KASH5: variants seen among roughly 807,000 people sequenced by gnomAD.
KASH5 encodes the protein protein KASH5.
A neutral mutation model predicts 84.2 loss-of-function variants in KASH5; 72 were observed. That is an observed-to-expected ratio of 0.85 (90% CI 0.71 to 1.04). The LOEUF is 1.04. Ranked by LOEUF, KASH5 falls within the 50% of genes least tolerant of loss-of-function variation. The pLI, the probability that KASH5 is intolerant of heterozygous loss-of-function variation, is 0.00. For synonymous variants in KASH5, 260 were observed against 279.1 expected (o/e 0.93, Z 0.68); for missense variants, 650 against 701.0 (o/e 0.93, Z 0.82).
At chr19:49,407,360 G>A in intron 11 of KASH5, 64 bp downstream of exon 11, 2 of 1,550,172 alleles carry the variant, frequency 1.3e-6, no homozygotes, top group Non-Finnish European at 1.8e-6. Context: ...CCTGCCCCTG[G>A]TCTAGAAAGG....
chr19:49,412,647 A>C lies in KASH5; in HGVS notation c.1270-321A>C, dbSNP rs1306801113. On this transcript the variant is annotated intron_variant, in intron 15 of 19. Transcript: ENST00000447857. The surrounding 1 kb of genome is among the most constrained non-coding windows in gnomAD (Gnocchi z 4.6). ...GCTGATCTCCTCTGGGACCCAGATA[A>C]GTGTACGAGATCTGTGGAACATCCA... Among the ~76,000 whole-genome samples, 1 of 152,134 alleles carries C rather than the reference A, an allele frequency of 6.6e-6. No homozygotes were observed. Among genetic ancestry groups the C allele is most frequent in the Non-Finnish European group, 1.5e-5 (1 of 68,020 alleles).
chr19:49,417,015 G>A lies in KASH5; in HGVS notation c.1375G>A (p.Ala459Thr), dbSNP rs904187122. The change falls in exon 18 of 20, where the codon GCT becomes ACT. Residue 459 changes from alanine to threonine, a missense_variant and splice_region_variant. Ala to Thr is a moderately conservative substitution (Grantham distance 58). Coordinates refer to ENST00000447857, the MANE Select transcript of KASH5 (RefSeq NM_144688.5). The surrounding 1 kb of genome is among the most constrained non-coding windows in gnomAD (Gnocchi z 5.2). Reference sequence around the variant, plus strand: ...CAACGCATCTCTTCTGTCCTTGCAGGCTGATCTCCCTGTCCCTCTAGGAGC... The same window carrying A: ...CAACGCATCTCTTCTGTCCTTGCAGACTGATCTCCCTGTCCCTCTAGGAGC... ...EEEDAESQVTADLPVPLGAPR... is the reference protein window; with the variant it reads ...EEEDAESQVTTDLPVPLGAPR... 1 of 1,585,258 alleles carries A rather than the reference G, an allele frequency of 6.3e-7. No individual in the cohort carries two copies. Among genetic ancestry groups the A allele is most frequent in the Non-Finnish European group, 8.6e-7 (1 of 1,166,430 alleles).
intron 1 of KASH5, among the ~76,000 whole-genome samples, chr19:49,389,350 C>G (rs936688737): frequency 2.0e-5 from 3 of 151,724 alleles, no homozygotes; most frequent in Non-Finnish European, 4.4e-5. Flanking sequence ...AGAGACCCCC[C>G]CAAAATCCTG....
Position 49,417,126 on chromosome 19 carries a change from A to G in KASH5, c.1440-33A>G. 1 of 1,610,444 alleles carries G rather than the reference A, an allele frequency of 6.2e-7. No individual in the cohort carries two copies. Among genetic ancestry groups the G allele is most frequent in the Admixed American group, 1.7e-5 (1 of 59,584 alleles). ...AGGAGGGACACTGGGGCAAGGAAAA[A>G]CCCAGTGGTGATTCCCTCCTTCACC... On this transcript the variant is annotated intron_variant, in intron 18 of 19. Coordinates refer to ENST00000447857, the MANE Select transcript of KASH5 (RefSeq NM_144688.5). This position sits in a 1 kb window ranked among gnomAD's most constrained non-coding sequence, Gnocchi z 5.2.
rs766540572 is a variant in KASH5, at chr19:49,395,806, G to T, written c.373G>T (p.Ala125Ser). 26 of 1,565,658 alleles carry T rather than the reference G, an allele frequency of 1.7e-5. No homozygotes were observed. In the African/African-American group the frequency reaches 3.4e-4, roughly 20 times the overall value. Residue 125 changes from alanine (A) to serine (S), a missense_variant, in exon 5 of 20, where the codon GCC becomes TCC. Ala to Ser is a moderately conservative substitution (Grantham distance 99, BLOSUM62 1). Coordinates refer to ENST00000447857, the MANE Select transcript of KASH5 (RefSeq NM_144688.5). The surrounding 1 kb of genome is among the most constrained non-coding windows in gnomAD (Gnocchi z 4.4). Reference protein sequence around the residue: ...ELEEETAFQGALTSRQLPSGC... With the variant: ...ELEEETAFQGSLTSRQLPSGC... ...GGAAGAGGAGACCGCCTTCCAGGGA[G>T]CCCTGACCTCCCGGCAACTGCCATC...
rs1206539449 is a variant in KASH5, at chr19:49,388,267, T to A, written c.-156T>A. 6.6e-6 allele frequency: 1 copy of A among 152,228 alleles called. No homozygotes were observed. Among genetic ancestry groups the A allele is most frequent in the Non-Finnish European group, 1.5e-5 (1 of 68,054 alleles). 9.4% of individuals were successfully genotyped at this position (152,228 alleles called of 1,614,324 possible). A position where few individuals can be genotyped will look rare whatever the true frequency, so the allele number is the denominator to read the frequency against. On this transcript the variant is annotated 5_prime_UTR_variant, in exon 1 of 20. Transcript: ENST00000447857. ...AAAGCTCACGCGCACCTCCCCCAAC[T>A]CAACTGCCGTTCGTCGTTCGTGGAT...
intron 2 of KASH5, 26 bp downstream of exon 2, chr19:49,390,952 C>T (rs1012911777): frequency 2.5e-6 from 4 of 1,604,848 alleles, no homozygotes; most frequent in Admixed American, 1.7e-5. Flanking sequence ...CCTATTTGCC[C>T]CGGGGAGGGT....
chr19:49,406,713 AAAT>A (rs1974537936), intron 9 of KASH5, among the ~76,000 whole-genome samples, 170 bp from the exon 10 acceptor site: 1 of 152,152 alleles, frequency 6.6e-6, no homozygotes, highest in African/African-American at 2.4e-5. Flanking sequence ...ACACTCAAAG[AAAT>A]TAAAGCTGTG....
intron 9 of KASH5, among the ~76,000 whole-genome samples, chr19:49,405,471 AAAAG>A (rs1366862620): frequency 9.3e-5 from 14 of 150,904 alleles, no homozygotes; most frequent in Middle Eastern, 3.4e-3. Flanking sequence ...AAAAAAAAAA[AAAAG>A]AAAGAAAAAG....
At position 49,394,470 on chromosome 19, in the gene KASH5, C is replaced by G. The variant is rs1251842514; in HGVS notation, c.44-6C>G. On this transcript the variant is annotated splice_region_variant and splice_polypyrimidine_tract_variant and intron_variant, in intron 2 of 19. Coordinates refer to ENST00000447857, the MANE Select transcript of KASH5 (RefSeq NM_144688.5). ...ACTGGTGAGCTGAGCCCTCTTGTCT[C>G]CCCAGTGTACCTCCGGGAGCGGCCT... 20 of 1,612,274 alleles carry G rather than the reference C, an allele frequency of 1.2e-5. No individual in the cohort carries two copies. The highest frequency in any genetic ancestry group is 1.7e-5 in the Non-Finnish European group (20 of 1,178,546).
chr19:49,399,232 G>C lies in KASH5; in HGVS notation c.747+90G>C, dbSNP rs749723241. 1.7e-5 allele frequency: 20 copies of C among 1,166,616 alleles called. No homozygotes were observed. Among genetic ancestry groups the C allele is most frequent in the Admixed American group, 2.6e-5 (1 of 38,688 alleles). 72.3% of individuals were successfully genotyped at this position (1,166,616 alleles called of 1,614,324 possible). ...AGAGTGTGACTATGGAGTAGGAAGG[G>C]GCAGAGGTCACCTGGCTTTCTCCCT... On this transcript the variant is annotated intron_variant, in intron 8 of 19. Coordinates refer to ENST00000447857, the MANE Select transcript of KASH5 (RefSeq NM_144688.5). The surrounding 1 kb of genome is among the most constrained non-coding windows in gnomAD (Gnocchi z 4.4).
chr19:49,409,621 C>A, intron 14 of KASH5, 132 bp from the exon 15 acceptor site: 1 of 1,185,996 alleles, frequency 8.4e-7, no homozygotes, highest in South Asian at 1.3e-5. Context: ...ACTCCCCAAC[C>A]CCAGCCCCAC....
At chr19:49,411,085 A>G (rs1425594713) in intron 15 of KASH5, among the ~76,000 whole-genome samples, 1 of 152,046 alleles carries the variant, frequency 6.6e-6, no homozygotes, top group African/African-American at 2.4e-5. Context: ...AACCACAGGC[A>G]TGTGCCACCA....
At position 49,412,024 on chromosome 19, in the gene KASH5, G is replaced by A. The variant is rs967351066; in HGVS notation, c.1270-944G>A. ...CTAGCACAGCCTGTGCAAGGCCTTG[G>A]CATAAAATCACGATATGCTTGAGGA... On this transcript the variant is annotated intron_variant, in intron 15 of 19. Coordinates refer to ENST00000447857, the MANE Select transcript of KASH5 (RefSeq NM_144688.5). The surrounding 1 kb of genome is among the most constrained non-coding windows in gnomAD (Gnocchi z 4.6). Among the ~76,000 whole-genome samples, 9 of 152,158 alleles carry A rather than the reference G, an allele frequency of 5.9e-5. No homozygotes were observed. The highest frequency in any genetic ancestry group is 1.2e-4 in the Non-Finnish European group (8 of 68,030).
At chr19:49,397,773 C>A in intron 6 of KASH5, 56 bp downstream of exon 6, 1 of 1,576,020 alleles carries the variant, frequency 6.3e-7, no homozygotes, top group Admixed American at 1.7e-5. Context: ...TCCCCTCCAG[C>A]CTGCCGAGGC....
chr19:49,397,834 G>A, intron 6 of KASH5, 117 bp downstream of exon 6: 3 of 1,462,232 alleles, frequency 2.1e-6, no homozygotes, highest in Admixed American at 1.9e-5. Context: ...ACGGGGCTTT[G>A]CTGAAAGTTC....
At chr19:49,397,752 C>G in intron 6 of KASH5, 35 bp downstream of exon 6, 4 of 1,605,624 alleles carry the variant, frequency 2.5e-6, no homozygotes, top group Non-Finnish European at 3.4e-6. Context: ...GACCCTCCTG[C>G]CCACACCCTG....
intron 5 of KASH5, among the ~76,000 whole-genome samples, chr19:49,396,369 C>T (rs1974183065): frequency 6.6e-6 from 1 of 151,938 alleles, no homozygotes; most frequent in South Asian, 2.1e-4. Flanking sequence ...GTTCTTCTGC[C>T]TCAGCCTTCC....
chr19:49,395,745 C>G lies in KASH5; in HGVS notation c.336-24C>G. 6.4e-7 allele frequency: 1 copy of G among 1,551,274 alleles called. No individual in the cohort carries two copies. The highest frequency in any genetic ancestry group is 8.7e-7 in the Non-Finnish European group (1 of 1,147,710). On this transcript the variant is annotated intron_variant, in intron 4 of 19. Coordinates refer to ENST00000447857, the MANE Select transcript of KASH5 (RefSeq NM_144688.5). This position sits in a 1 kb window ranked among gnomAD's most constrained non-coding sequence, Gnocchi z 4.4. ...ACTGAGGGGCAGCTACAGTGGGGCG[C>G]TAAGCCTCATCCCTTTGATACAGGG... is the stretch of plus-strand genomic sequence containing the variant.
Sources: allele counts gnomAD v4.1 joint callset (sites outside exome capture counted in the v4.1 genomes callset), GRCh38; gene constraint gnomAD v4.1.1; non-coding constraint Gnocchi (gnomAD v3.1); transcripts MANE v1.5; gene names NCBI Gene and HGNC (gene_info 2026-07-23, HGNC 2026-07-21).